The following PTPRD variants were observed in gnomAD, a reference collection of about 807,000 sequenced individuals.
PTPRD encodes the protein receptor-type tyrosine-protein phosphatase delta.
Under a neutral mutation model 214.5 loss-of-function variants are expected in PTPRD, and 34 were observed. The ratio of observed to expected loss-of-function variants is 0.16; its 90% CI spans 0.12 to 0.21. The LOEUF is 0.21. PTPRD is among the 10% of genes least tolerant of loss of function. The pLI, the probability that PTPRD is intolerant of heterozygous loss-of-function variation, is 1.00. For missense variants in PTPRD, 2,545 were observed against 2,398.7 expected, an observed-to-expected ratio of 1.06 and a Z score of -1.27; for synonymous variants, 1,128 against 845.7, an observed-to-expected ratio of 1.33 and a Z score of -5.79.
intron 9 of PTPRD, among the ~76,000 whole-genome samples, chr9:9,335,908 TATG>T (rs1225555645): frequency 6.6e-6 from 1 of 151,798 alleles, no homozygotes; most frequent in Non-Finnish European, 1.5e-5. Flanking sequence ...AACAAGGGAG[TATG>T]ATAACATAAT....
intron 3 of PTPRD, among the ~76,000 whole-genome samples, chr9:10,310,538 CAAAA>C (rs1262758456): frequency 3.3e-5 from 5 of 150,198 alleles, no homozygotes; most frequent in African/African-American, 1.2e-4. Context: ...GTTTCTGTGA[CAAAA>C]GAAAGGGAAG....
chr9:10,194,341 TATATAGAGAGAGAGAGAGAGAGAGAGAG>T (rs1469695966), intron 3 of PTPRD, among the ~76,000 whole-genome samples: 5,281 of 59,158 alleles, frequency 0.089, 224 homozygotes, highest in Non-Finnish European at 0.11. Context: ...TATATATATA[TATATAGAGAGAGAGAGAGAGAGAGAGAG>T]AGAGAGAGAG....
intron 2 of PTPRD, among the ~76,000 whole-genome samples, chr9:10,501,972 T>C (rs1005173877): frequency 1.3e-5 from 2 of 151,968 alleles, no homozygotes; most frequent in African/African-American, 2.4e-5. Context: ...ATTATGTTTT[T>C]AAAGCTCCTC....
chr9:10,134,488 T>A (rs1263716045), intron 3 of PTPRD, among the ~76,000 whole-genome samples: 1 of 152,144 alleles, frequency 6.6e-6, no homozygotes, highest in Non-Finnish European at 1.5e-5. Context: ...CTGCTGGCCA[T>A]TGTTCTTAAG....
At chr9:9,215,776 G>A (rs13299658) in intron 9 of PTPRD, among the ~76,000 whole-genome samples, 21,902 of 152,140 alleles carry the variant, frequency 0.14, 1,797 homozygotes, top group Non-Finnish European at 0.18. Context: ...TTGATTCACT[G>A]TAGAATGATT....
At chr9:9,628,944 C>T (rs910151732) in intron 7 of PTPRD, among the ~76,000 whole-genome samples, 19 of 151,686 alleles carry the variant, frequency 1.3e-4, no homozygotes, top group Admixed American at 3.9e-4. Flanking sequence ...GAGGCCGAGG[C>T]GGGCAGATCA....
chr9:8,737,555 AT>A, intron 11 of PTPRD, among the ~76,000 whole-genome samples: 1 of 151,452 alleles, frequency 6.6e-6, no homozygotes, highest in African/African-American at 2.4e-5. Flanking sequence ...GTTCAGTGAT[AT>A]TAAAAGTACC....
chr9:9,314,178 T>C (rs1961075800), intron 9 of PTPRD, among the ~76,000 whole-genome samples: 1 of 152,124 alleles, frequency 6.6e-6, no homozygotes, highest in Non-Finnish European at 1.5e-5. Context: ...ATTTTCATAA[T>C]GAGATTTATT....
At chr9:8,845,980 T>C (rs920165862) in intron 11 of PTPRD, among the ~76,000 whole-genome samples, 1 of 152,194 alleles carries the variant, frequency 6.6e-6, no homozygotes, top group African/African-American at 2.4e-5. Context: ...AGAACTATAA[T>C]CATGCCAGGC....
intron 10 of PTPRD, among the ~76,000 whole-genome samples, chr9:9,166,871 A>G (rs1468991158): frequency 6.6e-6 from 1 of 152,186 alleles, no homozygotes; most frequent in Non-Finnish European, 1.5e-5. Flanking sequence ...AAGACTACCT[A>G]TAGTTATAAG....
At chr9:9,629,138 C>G (rs2154358158) in intron 7 of PTPRD, among the ~76,000 whole-genome samples, 1 of 151,316 alleles carries the variant, frequency 6.6e-6, no homozygotes, top group East Asian at 1.9e-4. Flanking sequence ...CACGCCATTG[C>G]ACTCCAGCCT....
chr9:10,443,374 A>G (rs1442708390), intron 2 of PTPRD, among the ~76,000 whole-genome samples: 2 of 151,634 alleles, frequency 1.3e-5, no homozygotes, highest in Non-Finnish European at 3.0e-5. Flanking sequence ...CTAACTTCAC[A>G]TAGCCTGCAA....
intron 7 of PTPRD, among the ~76,000 whole-genome samples, chr9:9,602,203 G>T (rs977246423): frequency 2.0e-5 from 3 of 151,824 alleles, no homozygotes; most frequent in Non-Finnish European, 2.9e-5. Flanking sequence ...AGAAAACTAT[G>T]TTATCATTAA....
chr9:9,963,006 C>T (rs1324283986), intron 4 of PTPRD, among the ~76,000 whole-genome samples: 1 of 151,720 alleles, frequency 6.6e-6, no homozygotes, highest in Non-Finnish European at 1.5e-5. Flanking sequence ...TATATAGTTA[C>T]ACTATATAAA....
intron 11 of PTPRD, among the ~76,000 whole-genome samples, chr9:8,917,731 G>A (rs557839769): frequency 3.2e-4 from 48 of 152,218 alleles, no homozygotes; most frequent in Admixed American, 1.8e-3. Context: ...CAATTCTGAA[G>A]GATGCACCTA....
chr9:8,838,123 T>C (rs2097477194), intron 11 of PTPRD, among the ~76,000 whole-genome samples: 1 of 151,968 alleles, frequency 6.6e-6, no homozygotes, highest in South Asian at 2.1e-4. Context: ...AAAACTCCAA[T>C]AATTGAAAGG....
At chr9:9,382,004 C>A (rs1401251402) in intron 9 of PTPRD, among the ~76,000 whole-genome samples, 1 of 152,042 alleles carries the variant, frequency 6.6e-6, no homozygotes, top group East Asian at 1.9e-4. Context: ...ATTCTCCAAT[C>A]CATGAACTCA....
intron 32 of PTPRD, 149 bp from the exon 33 acceptor site, chr9:8,460,720 G>T: frequency 3.1e-6 from 2 of 643,702 alleles, no homozygotes; most frequent in South Asian, 2.8e-5. Flanking sequence ...GGAGGGGAGA[G>T]GAGAATAAAG....
intron 9 of PTPRD, among the ~76,000 whole-genome samples, chr9:9,318,142 G>A (rs1964336973): frequency 6.6e-6 from 1 of 150,964 alleles, no homozygotes. Context: ...TTGCACTCCA[G>A]CCTGGGCAAC....
Sources: allele counts gnomAD v4.1 joint callset (sites outside exome capture counted in the v4.1 genomes callset), GRCh38; gene constraint gnomAD v4.1.1; transcripts MANE v1.5; gene names NCBI Gene and HGNC (gene_info 2026-07-23, HGNC 2026-07-21).